The following CTIF variants were observed in gnomAD, a reference collection of about 807,000 sequenced individuals.
CTIF encodes the protein cap binding complex dependent translation initiation factor.
CTIF carries 21 observed loss-of-function variants against 66.0 expected under a neutral mutation model. The observed-to-expected ratio is 0.32, with a 90% CI of 0.23 to 0.46. The LOEUF (loss-of-function observed/expected upper bound fraction) is 0.46, where lower values mean the gene tolerates loss of function less well. CTIF is among the 20% of genes least tolerant of loss of function. The probability of loss-of-function intolerance (pLI) is 1.00; values close to 1 mark genes in which losing one functional copy is unlikely to be tolerated. For missense variants in CTIF, 739 were observed against 812.7 expected (o/e 0.91, Z 1.10); for synonymous variants, 345 against 326.4 (o/e 1.06, Z -0.62).
chr18:48,859,879 T>C lies in CTIF; in HGVS notation c.*320T>C. ...ATCAGACCCATCCCCCACGGAGCTTTGTGTGAGGGATCTCATCGCTGTGAC... is the reference window on the plus strand; with the variant it reads ...ATCAGACCCATCCCCCACGGAGCTTCGTGTGAGGGATCTCATCGCTGTGAC... On this transcript the variant is annotated 3_prime_UTR_variant, in exon 12 of 12. Transcript: ENST00000256413. The C allele has an allele frequency of 1.8e-6, 1 of 548,568 alleles. No homozygotes were observed. Among genetic ancestry groups the C allele is most frequent in the Non-Finnish European group, 3.5e-6 (1 of 286,390 alleles). 34.0% of individuals were successfully genotyped at this position (548,568 alleles called of 1,614,324 possible).
At chr18:48,763,546 T>G (rs1456136787) in intron 9 of CTIF, among the ~76,000 whole-genome samples, 1 of 152,212 alleles carries the variant, frequency 6.6e-6, no homozygotes, top group Non-Finnish European at 1.5e-5. Flanking sequence ...CAAAGTCCTC[T>G]GCATTCCCCA....
At chr18:48,763,777 G>C (rs1039346194) in intron 9 of CTIF, among the ~76,000 whole-genome samples, 1 of 152,060 alleles carries the variant, frequency 6.6e-6, no homozygotes, top group Non-Finnish European at 1.5e-5. Flanking sequence ...CCGGGGTCTC[G>C]GGCAGGGGCA....
chr18:48,619,511 G>C, intron 1 of CTIF, 27 bp from the exon 2 acceptor site: 1 of 1,363,550 alleles, frequency 7.3e-7, no homozygotes, highest in Non-Finnish European at 9.5e-7. Flanking sequence ...AGCGTCTCAC[G>C]GAGTTCTCTG....
At chr18:48,694,438 C>A (rs543005924) in intron 6 of CTIF, among the ~76,000 whole-genome samples, 42 of 152,304 alleles carry the variant, frequency 2.8e-4, no homozygotes, top group Admixed American at 4.6e-4. Flanking sequence ...GCTTCAATAT[C>A]CTGAGTCCAG....
At chr18:48,812,514 G>C (rs2068278948) in intron 9 of CTIF, among the ~76,000 whole-genome samples, 1 of 152,034 alleles carries the variant, frequency 6.6e-6, no homozygotes, top group Non-Finnish European at 1.5e-5. Flanking sequence ...TTCCTTCGTA[G>C]CTGTTTTTAA....
chr18:48,628,668 G>T (rs561248044), intron 2 of CTIF, among the ~76,000 whole-genome samples: 35 of 152,258 alleles, frequency 2.3e-4, no homozygotes, highest in African/African-American at 7.5e-4. Flanking sequence ...GAAGCGATTT[G>T]CCCAAGGTCA....
chr18:48,727,428 G>T (rs1421353048), intron 7 of CTIF, among the ~76,000 whole-genome samples: 10 of 152,212 alleles, frequency 6.6e-5, no homozygotes, highest in Admixed American at 5.9e-4. Context: ...CTTTGCAGCT[G>T]ATTTGTTGCT....
intron 1 of CTIF, among the ~76,000 whole-genome samples, chr18:48,603,474 GATGGGTGGGTGGGTGGGTGGGTGGGTGGA>G (rs2090139476): frequency 8.2e-6 from 1 of 122,064 alleles, no homozygotes; most frequent in African/African-American, 3.5e-5. Flanking sequence ...TGGATGGCTA[GATGGGTGGGTGGGTGGGTGGGTGGGTGGA>G]TGGATGGATG....
chr18:48,608,089 T>G (rs2090236927), intron 1 of CTIF, among the ~76,000 whole-genome samples: 1 of 152,080 alleles, frequency 6.6e-6, no homozygotes, highest in Admixed American at 6.6e-5. Context: ...TCGGATGCCT[T>G]ACAGGGGCCA....
intron 2 of CTIF, chr18:48,625,288 T>C: frequency 1.2e-6 from 1 of 816,510 alleles, no homozygotes; most frequent in Non-Finnish European, 1.5e-6. Context: ...ATTTATTATA[T>C]ATTTTCCCCT....
intron 9 of CTIF, among the ~76,000 whole-genome samples, chr18:48,805,921 A>G (rs1313541249): frequency 6.6e-6 from 1 of 151,878 alleles, no homozygotes; most frequent in Non-Finnish European, 1.5e-5. Flanking sequence ...AACACCTACA[A>G]CGAGCCAAGT....
rs1474550736 is a variant in CTIF at position 48,862,872 on chromosome 18, C to G, written c.*3313C>G. 4.6e-5 allele frequency: 7 copies of G among 152,208 alleles called. No homozygotes were observed. 9.4% of individuals were successfully genotyped at this position (152,208 alleles called of 1,614,324 possible). ...TCAGACACCGGCCCGTGTTCCTTGT[C>G]AGACAGACAGACTCTCAGGCCTGCC... is the stretch of plus-strand genomic sequence containing the variant. On this transcript the variant is annotated 3_prime_UTR_variant, in exon 12 of 12. Transcript: ENST00000256413.
At chr18:48,671,708 C>G (rs1216904906) in intron 6 of CTIF, among the ~76,000 whole-genome samples, 1 of 151,772 alleles carries the variant, frequency 6.6e-6, no homozygotes, top group African/African-American at 2.4e-5. Flanking sequence ...AAATTTTCAG[C>G]CACGATTCCT....
intron 10 of CTIF, among the ~76,000 whole-genome samples, chr18:48,850,685 G>A (rs1338717303): frequency 6.6e-6 from 1 of 152,238 alleles, no homozygotes; most frequent in Non-Finnish European, 1.5e-5. Flanking sequence ...CCCCAGGGAG[G>A]AAGCCTGTGG....
At chr18:48,835,347 G>A (rs1306773795) in intron 10 of CTIF, among the ~76,000 whole-genome samples, 7 of 152,190 alleles carry the variant, frequency 4.6e-5, no homozygotes, top group African/African-American at 1.7e-4. Flanking sequence ...TGGCTGTGCT[G>A]ATGGTCTTAC....
chr18:48,783,427 A>C (rs1367306471), intron 9 of CTIF, among the ~76,000 whole-genome samples: 3 of 152,206 alleles, frequency 2.0e-5, no homozygotes, highest in Admixed American at 1.3e-4. Context: ...TGCTTAGCAA[A>C]ATAAAATGTG....
intron 1 of CTIF, among the ~76,000 whole-genome samples, chr18:48,550,041 A>G (rs993179641): frequency 1.3e-5 from 2 of 152,174 alleles, no homozygotes; most frequent in South Asian, 2.1e-4. Flanking sequence ...CCTGGTTTAT[A>G]TCACTATAGG....
intron 1 of CTIF, among the ~76,000 whole-genome samples, chr18:48,557,313 T>C (rs559259256): frequency 1.3e-5 from 2 of 152,346 alleles, no homozygotes; most frequent in African/African-American, 4.8e-5. Flanking sequence ...TGAACCATTT[T>C]GTGCCCCCAT....
intron 1 of CTIF, among the ~76,000 whole-genome samples, chr18:48,549,876 G>A (rs1268714428): frequency 6.6e-6 from 1 of 152,210 alleles, no homozygotes; most frequent in Non-Finnish European, 1.5e-5. Flanking sequence ...TAAGCAAAGA[G>A]GAACATTTAC....
Sources: allele counts gnomAD v4.1 joint callset (sites outside exome capture counted in the v4.1 genomes callset), GRCh38; gene constraint gnomAD v4.1.1; transcripts MANE v1.5; gene names NCBI Gene and HGNC (gene_info 2026-07-23, HGNC 2026-07-21).